STS: variants seen among roughly 807,000 people sequenced by gnomAD.
The protein encoded by STS is steryl-sulfatase.
Under a neutral mutation model 26.8 loss-of-function variants are expected in STS, and 7 were observed. The ratio of observed to expected loss-of-function variants is 0.26; its 90% confidence interval spans 0.15 to 0.49. The LOEUF (loss-of-function observed/expected upper bound fraction) is 0.49. STS is among the 20% of genes least tolerant of loss of function. The pLI is 0.98. For synonymous variants in STS, 199 were observed against 189.4 expected (o/e 1.05, Z -0.42); for missense variants, 434 against 465.6 (o/e 0.93, Z 0.63).
At chrX:7,304,937 GA>G in intron 7 of STS, 108 bp from the exon 8 acceptor site, 1 of 943,081 alleles carries the variant, frequency 1.1e-6, no homozygotes, top group East Asian at 3.2e-5. Flanking sequence ...CAATATGTAA[GA>G]ACGTTTACTT....
intron 7 of STS, among the ~76,000 whole-genome samples, chrX:7,296,111 CT>C (rs1462616930): frequency 1.8e-5 from 2 of 111,694 alleles, no homozygotes; most frequent in African/African-American, 6.5e-5. Context: ...TCCTCCCTCC[CT>C]TGTGGCTCAG....
chrX:7,323,250 C>A (rs1927141195), intron 8 of STS, among the ~76,000 whole-genome samples: 1 of 109,243 alleles, frequency 9.2e-6, no homozygotes, highest in African/African-American at 3.3e-5. Context: ...TTTTTAGATT[C>A]AGTGGGTACG....
At chrX:7,165,541 G>A (rs2146992781) in intron 1 of STS, among the ~76,000 whole-genome samples, 1 of 111,362 alleles carries the variant, frequency 9.0e-6, no homozygotes, top group Non-Finnish European at 1.9e-5. Flanking sequence ...AGCGACTTGG[G>A]AGGCTGAAGT....
chrX:7,202,870 A>G (rs1178637144), intron 2 of STS, among the ~76,000 whole-genome samples: 5 of 109,848 alleles, frequency 4.6e-5, no homozygotes, highest in African/African-American at 1.3e-4. Flanking sequence ...CTCTCTCTTT[A>G]TCTCTCTGTC....
chrX:7,251,732 G>A (rs1462084725), intron 2 of STS, among the ~76,000 whole-genome samples: 1 of 111,655 alleles, frequency 9.0e-6, no homozygotes, highest in Non-Finnish European at 1.9e-5. Flanking sequence ...GACATGGGAG[G>A]ATCACTTGAA....
chrX:7,152,490 G>A (rs1933039957), intron 1 of STS, among the ~76,000 whole-genome samples: 1 of 108,780 alleles, frequency 9.2e-6, no homozygotes, highest in Non-Finnish European at 1.9e-5. Context: ...GCTAACTTGT[G>A]TATTTTTTAG....
Position 7,351,501 on chromosome X carries a change from T to G in STS, c.*1240T>G, listed in dbSNP as rs1928795769. ...CACAGCTGGAGATAGTTTCAAAGTCTAAACCACCAGCCCATCCTGAGGAAA... is the reference window on the plus strand; with the variant it reads ...CACAGCTGGAGATAGTTTCAAAGTCGAAACCACCAGCCCATCCTGAGGAAA... On this transcript the variant is annotated 3_prime_UTR_variant, in exon 11 of 11. Transcript: ENST00000674429. 8.9e-6 allele frequency: 1 copy of G among 111,922 alleles called. No homozygotes were observed. Among genetic ancestry groups the G allele is most frequent in the South Asian group, 3.7e-4 (1 of 2,676 alleles). 9.2% of individuals were successfully genotyped at this position (111,922 alleles called of 1,213,427 possible).
At chrX:7,172,315 G>C (rs750329745) in intron 1 of STS, among the ~76,000 whole-genome samples, 1 of 110,923 alleles carries the variant, frequency 9.0e-6, no homozygotes, top group African/African-American at 3.3e-5. Flanking sequence ...ATGTGTTCTG[G>C]AAGCCCCCAC....
chrX:7,158,436 G>A (rs896453093), intron 1 of STS, among the ~76,000 whole-genome samples: 3 of 112,239 alleles, frequency 2.7e-5, no homozygotes, highest in Admixed American at 1.9e-4. Context: ...CCGCATCTCA[G>A]GAGTTGCAAA....
intron 1 of STS, among the ~76,000 whole-genome samples, chrX:7,176,939 G>A (rs1933582698): frequency 9.0e-6 from 1 of 111,561 alleles, no homozygotes; most frequent in Admixed American, 9.5e-5. Flanking sequence ...TGGCACTGGT[G>A]TCATTTTCTG....
chrX:7,314,051 G>A (rs1439745645), intron 8 of STS, among the ~76,000 whole-genome samples: 2 of 111,545 alleles, frequency 1.8e-5, no homozygotes, highest in Non-Finnish European at 1.9e-5. Flanking sequence ...AAGCAGCTCA[G>A]TATTTCTAGG....
intron 2 of STS, among the ~76,000 whole-genome samples, chrX:7,201,282 T>C (rs1235114022): frequency 9.0e-6 from 1 of 111,720 alleles, no homozygotes; most frequent in Non-Finnish European, 1.9e-5. Context: ...GCAGTTTCCA[T>C]TTCTGTACTT....
At chrX:7,320,004 A>ATATATATATTTATATATATATTTATATAT (rs1569224347) in intron 8 of STS, among the ~76,000 whole-genome samples, 145 of 84,003 alleles carry the variant, frequency 1.7e-3, no homozygotes, top group African/African-American at 7.8e-3. Context: ...ATATATTTTT[A>ATATATATATTTATATATATATTTATATAT]TATATATATT....
intron 7 of STS, among the ~76,000 whole-genome samples, chrX:7,291,302 C>T (rs1440495392): frequency 6.3e-5 from 7 of 111,357 alleles, no homozygotes; most frequent in African/African-American, 2.3e-4. Context: ...TGGCATGCAG[C>T]GCCCGTGGTT....
At chrX:7,307,248 C>T (rs904753490) in intron 8 of STS, among the ~76,000 whole-genome samples, 2 of 111,004 alleles carry the variant, frequency 1.8e-5, no homozygotes, top group Admixed American at 1.9e-4. Flanking sequence ...AGGATTAACC[C>T]CAGTAGGCTA....
chrX:7,150,073 C>T lies in STS; in HGVS notation c.-134+1990C>T, dbSNP rs1354849656. 1.4e-4 allele frequency among the ~76,000 whole-genome samples: 16 copies of T among 112,110 alleles called. No individual in the cohort carries two copies. The Admixed American group carries it at 1.5e-3, about 11-fold the overall frequency. On this transcript the variant is annotated intron_variant, in intron 1 of 10. Coordinates refer to ENST00000674429, the MANE Select transcript of STS (RefSeq NM_001320752.2). ...CAGTAAGTATGACAGTATTTCCCAC[C>T]TGGAGTCTGTAGAATTCTCCCTCCC...
At chrX:7,151,744 A>G (rs1364323489) in intron 1 of STS, among the ~76,000 whole-genome samples, 1 of 110,747 alleles carries the variant, frequency 9.0e-6, no homozygotes, top group Non-Finnish European at 1.9e-5. Flanking sequence ...GTGTTGGATA[A>G]CAGATGTGGT....
intron 7 of STS, among the ~76,000 whole-genome samples, chrX:7,282,806 A>C (rs1479642440): frequency 8.9e-6 from 1 of 112,346 alleles, no homozygotes; most frequent in Non-Finnish European, 1.9e-5. Context: ...AGCCTGATCC[A>C]AGGTGCCAGG....
chrX:7,253,751 C>T (rs1459773471), intron 3 of STS, among the ~76,000 whole-genome samples: 2 of 112,166 alleles, frequency 1.8e-5, no homozygotes, highest in Non-Finnish European at 3.8e-5. Context: ...CTCACTCTCA[C>T]TCATGCCCAA....
Sources: allele counts gnomAD v4.1 joint callset (sites outside exome capture counted in the v4.1 genomes callset), GRCh38; gene constraint gnomAD v4.1.1; transcripts MANE v1.5; gene names NCBI Gene and HGNC (gene_info 2026-07-23, HGNC 2026-07-21).